Variants in PRDM16 observed in about 807,000 individuals in gnomAD.
The protein encoded by PRDM16 is histone-lysine N-methyltransferase PRDM16.
A neutral mutation model predicts 110.6 loss-of-function variants in PRDM16; 23 were observed. The ratio of observed to expected loss-of-function variants is 0.21; its 90% CI spans 0.15 to 0.29. The LOEUF is 0.29. PRDM16 is among the 10% of genes least tolerant of loss of function. PRDM16 has a pLI of 1.00. For missense variants in PRDM16, 1,615 were observed against 1,794.3 expected, an observed-to-expected ratio of 0.90 and a Z score of 1.81; for synonymous variants, 799 against 781.8, an observed-to-expected ratio of 1.02 and a Z score of -0.37.
intron 12 of PRDM16, among the ~76,000 whole-genome samples, chr1:3,421,274 C>A (rs898388163): frequency 3.4e-4 from 52 of 152,092 alleles, no homozygotes; most frequent in African/African-American, 1.2e-3. Flanking sequence ...CCCTGGCCAC[C>A]CCCCCTGACC....
chr1:3,083,489 C>A (rs1642076713), intron 1 of PRDM16, among the ~76,000 whole-genome samples: 1 of 152,222 alleles, frequency 6.6e-6, no homozygotes, highest in Non-Finnish European at 1.5e-5. Flanking sequence ...GGGTTTCACC[C>A]ACAGCCTGGG....
Position 3,069,544 on chromosome 1 carries a change from T to C in PRDM16, c.37+248T>C, listed in dbSNP as rs1393980922. Among the ~76,000 whole-genome samples, 1 of 135,714 alleles carries C rather than the reference T, an allele frequency of 7.4e-6. No individual in the cohort carries two copies. The highest frequency in any genetic ancestry group is 2.7e-5 in the African/African-American group (1 of 36,736). The allele number at this position is 135,714 out of a possible 152,430, so 89.0% of individuals were successfully genotyped here. On this transcript the variant is annotated intron_variant, in intron 1 of 16. Coordinates refer to ENST00000270722, the MANE Select transcript of PRDM16 (RefSeq NM_022114.4). This position sits in a 1 kb window ranked among gnomAD's most constrained non-coding sequence, Gnocchi z 6.1. ...CCGGCCCCCTCCCCGCGGAACCCCCTCCCCCCCCACCAGTGTCAGGCGCTC... is the reference window on the plus strand; with the variant it reads ...CCGGCCCCCTCCCCGCGGAACCCCCCCCCCCCCCACCAGTGTCAGGCGCTC...
At position 3,290,596 on chromosome 1, in the gene PRDM16, C is replaced by T. The variant is rs1001399053; in HGVS notation, c.438+46459C>T. 3.9e-5 allele frequency among the ~76,000 whole-genome samples: 6 copies of T among 152,294 alleles called. No individual in the cohort carries two copies. Among genetic ancestry groups the T allele is most frequent in the South Asian group, 2.1e-4 (1 of 4,822 alleles). ...CATCACTGAAGAAGCCCCGTGGCTC[C>T]GGCTCCGTCTGCAGGATCCCTCCCA... On this transcript the variant is annotated intron_variant, in intron 3 of 16. Transcript: ENST00000270722. This position sits in a 1 kb window ranked among gnomAD's most constrained non-coding sequence, Gnocchi z 4.8.
chr1:3,293,347 G>A (rs559484030), intron 3 of PRDM16, among the ~76,000 whole-genome samples: 12 of 152,326 alleles, frequency 7.9e-5, no homozygotes, highest in African/African-American at 2.2e-4. Context: ...CAGGCCACCC[G>A]TGTGTCAGCA....
chr1:3,166,731 C>T (rs183020446), intron 1 of PRDM16, among the ~76,000 whole-genome samples: 13 of 152,266 alleles, frequency 8.5e-5, no homozygotes, highest in East Asian at 3.9e-4. Flanking sequence ...GCCTGGGGCC[C>T]GGCCCAGGTG....
chr1:3,368,787 G>A (rs1642861181), intron 3 of PRDM16, among the ~76,000 whole-genome samples: 1 of 152,142 alleles, frequency 6.6e-6, no homozygotes, highest in Non-Finnish European at 1.5e-5. Flanking sequence ...TCCCTCCAGG[G>A]AGGAAAGACA....
intron 1 of PRDM16, among the ~76,000 whole-genome samples, chr1:3,085,858 GC>G (rs1642138251): frequency 6.6e-6 from 1 of 152,232 alleles, no homozygotes; most frequent in African/African-American, 2.4e-5. Flanking sequence ...AGCTGTGGGA[GC>G]CCCACCCAGG....
chr1:3,205,066 C>T (rs532679901), intron 2 of PRDM16, among the ~76,000 whole-genome samples: 4 of 151,592 alleles, frequency 2.6e-5, no homozygotes, highest in African/African-American at 7.3e-5. Context: ...ATTCACTGCC[C>T]GTGAAAGGCT....
intron 1 of PRDM16, among the ~76,000 whole-genome samples, chr1:3,158,639 G>A (rs1343984062): frequency 9.2e-5 from 14 of 151,948 alleles, no homozygotes; most frequent in Admixed American, 9.2e-4. Flanking sequence ...TGATGGGTTT[G>A]TTGGAGATTT....
chr1:3,164,318 T>G (rs1643925566), intron 1 of PRDM16, among the ~76,000 whole-genome samples: 1 of 152,236 alleles, frequency 6.6e-6, no homozygotes, highest in Non-Finnish European at 1.5e-5. Context: ...GTTTTTAAAC[T>G]GAAAGGTTTT....
chr1:3,299,408 G>A (rs1570020787), intron 3 of PRDM16, among the ~76,000 whole-genome samples: 1 of 91,482 alleles, frequency 1.1e-5, no homozygotes, highest in South Asian at 4.0e-4. Context: ...TGTTGAAGAT[G>A]CTATGCTGTG....
intron 2 of PRDM16, among the ~76,000 whole-genome samples, chr1:3,238,690 A>G (rs1402841042): frequency 2.0e-5 from 3 of 152,084 alleles, no homozygotes; most frequent in African/African-American, 7.2e-5. Context: ...TGGAGCCCAC[A>G]CGGCCGGAGG....
At chr1:3,424,488 A>G (rs2100689641) in intron 12 of PRDM16, among the ~76,000 whole-genome samples, 1 of 152,350 alleles carries the variant, frequency 6.6e-6, no homozygotes, top group African/African-American at 2.4e-5. Context: ...GCTCTGCCTG[A>G]TGCCGTGGAG....
intron 1 of PRDM16, among the ~76,000 whole-genome samples, chr1:3,141,992 G>T (rs898038979): frequency 6.6e-6 from 1 of 152,252 alleles, no homozygotes. Context: ...TTCCGAAAAC[G>T]TGGGGCCGCA....
At chr1:3,305,284 G>A (rs535210850) in intron 3 of PRDM16, among the ~76,000 whole-genome samples, 1 of 152,312 alleles carries the variant, frequency 6.6e-6, no homozygotes, top group South Asian at 2.1e-4. Flanking sequence ...GCAGGCCCCC[G>A]GGAACCACAC....
At chr1:3,345,984 G>T (rs1236238465) in intron 3 of PRDM16, among the ~76,000 whole-genome samples, 1 of 152,254 alleles carries the variant, frequency 6.6e-6, no homozygotes, top group Non-Finnish European at 1.5e-5. Context: ...CCATCCAGGG[G>T]CCTGCGGAGG....
Position 3,121,585 on chromosome 1 carries a change from G to A in PRDM16, c.37+52289G>A, listed in dbSNP as rs116868191. 5.2e-4 allele frequency among the ~76,000 whole-genome samples: 79 copies of A among 152,360 alleles called. 1 individual carries two copies. In the East Asian group the frequency reaches 0.014, roughly 28 times the overall value. ...CGGCCTGGGCCTGGCCTGGAAGTGCGGGGCAAAGGGCGGTGGTGAGAAATG... is the reference window on the plus strand; with the variant it reads ...CGGCCTGGGCCTGGCCTGGAAGTGCAGGGCAAAGGGCGGTGGTGAGAAATG... On this transcript the variant is annotated intron_variant, in intron 1 of 16. Coordinates refer to ENST00000270722, the MANE Select transcript of PRDM16 (RefSeq NM_022114.4).
In PRDM16 at chr1:3,358,736, CCTG is replaced by C. The variant is rs945961499; in HGVS notation, c.439-26413_439-26411del. Among the ~76,000 whole-genome samples the C allele has an allele frequency of 6.6e-6, 1 of 152,186 alleles. No individual in the cohort carries two copies. The highest frequency in any genetic ancestry group is 2.4e-5 in the African/African-American group (1 of 41,442). On this transcript the variant is annotated intron_variant, in intron 3 of 16. Transcript: ENST00000270722. This position sits in a 1 kb window ranked among gnomAD's most constrained non-coding sequence, Gnocchi z 4.0. ...CGTGTGCGCGATCAGAGCTGAGTAA[CCTG>C]CTCCAAACCCAGGACACTGTGTGTG...
intron 1 of PRDM16, among the ~76,000 whole-genome samples, chr1:3,084,346 G>T (rs1386082250): frequency 6.6e-6 from 1 of 152,166 alleles, no homozygotes; most frequent in Non-Finnish European, 1.5e-5. Flanking sequence ...GAAGCATGGG[G>T]CCCAGTAAGA....
Sources: allele counts gnomAD v4.1 joint callset (sites outside exome capture counted in the v4.1 genomes callset), GRCh38; gene constraint gnomAD v4.1.1; non-coding constraint Gnocchi (gnomAD v3.1); transcripts MANE v1.5; gene names NCBI Gene and HGNC (gene_info 2026-07-23, HGNC 2026-07-21).